The following SNX24 variants were observed in gnomAD, a reference collection of about 807,000 sequenced individuals.
The protein encoded by SNX24 is sorting nexin 24.
In SNX24, 22 loss-of-function variants were observed where a neutral mutation model predicts 28.7. The observed-to-expected ratio is 0.77, with a 90% confidence interval of 0.55 to 1.10. The LOEUF is 1.10. Ranked by LOEUF, SNX24 falls within the 50% of genes least tolerant of loss-of-function variation. SNX24 has a pLI of 0.00. For synonymous variants in SNX24, 69 were observed against 71.5 expected (o/e 0.96, Z 0.18); for missense variants, 221 against 201.1 (o/e 1.10, Z -0.60).
chr5:123,021,356 G>A (rs1762760405), intron 5 of SNX24, among the ~76,000 whole-genome samples: 1 of 152,154 alleles, frequency 6.6e-6, no homozygotes, highest in Non-Finnish European at 1.5e-5. Flanking sequence ...TGCCAGGCCA[G>A]GTGTGTACCC....
intron 1 of SNX24, among the ~76,000 whole-genome samples, chr5:122,916,516 T>G (rs978854847): frequency 1.3e-5 from 2 of 152,222 alleles, no homozygotes; most frequent in Non-Finnish European, 2.9e-5. Context: ...TTTTTTATCT[T>G]AGATGCTTTT....
chr5:122,908,372 A>G (rs796495193), intron 1 of SNX24, among the ~76,000 whole-genome samples: 17 of 152,216 alleles, frequency 1.1e-4, no homozygotes, highest in African/African-American at 2.4e-4. Context: ...AATCACTACA[A>G]TAGACATGGT....
rs145396020 is a variant in SNX24 at position 122,874,431 on chromosome 5, G to T, written c.60+28738G>T. ...AAGCTGTGTGAAAGATAGGAAAGCA[G>T]CTGGGTGAGATATCCTGGCAGAGGG... is the stretch of plus-strand genomic sequence containing the variant. On this transcript the variant is annotated intron_variant, in intron 1 of 6. Coordinates refer to ENST00000261369, the MANE Select transcript of SNX24 (RefSeq NM_014035.4). Among the ~76,000 whole-genome samples the T allele has an allele frequency of 5.3e-5, 8 of 152,356 alleles. No individual in the cohort carries two copies. The East Asian group carries it at 1.5e-3, about 29-fold the overall frequency.
intron 1 of SNX24, among the ~76,000 whole-genome samples, chr5:122,894,772 A>G (rs145383163): frequency 7.0e-4 from 106 of 152,322 alleles, no homozygotes; most frequent in Middle Eastern, 6.8e-3. Context: ...CGCAGTACCT[A>G]GTAGGTAAGT....
chr5:122,998,934 C>T (rs898555901), intron 3 of SNX24, among the ~76,000 whole-genome samples: 4 of 151,946 alleles, frequency 2.6e-5, no homozygotes, highest in Non-Finnish European at 5.9e-5. Context: ...ACAACATGTA[C>T]TTACTGGACA....
chr5:123,012,625 T>C (rs574702967), downstream of SNX24, among the ~76,000 whole-genome samples: 2 of 152,202 alleles, frequency 1.3e-5, no homozygotes, highest in Admixed American at 6.5e-5. Flanking sequence ...CATAGTATTG[T>C]ACACTAAAAA....
rs962240455 is a variant in SNX24 at position 122,910,807 on chromosome 5, T to C, written c.61-25927T>C. ...TACAAAGGACATGAACTCATCATTT[T>C]TTATGGCTGCTTAGTATTCCATGGT... On this transcript the variant is annotated intron_variant, in intron 1 of 6. Transcript: ENST00000261369. Among the ~76,000 whole-genome samples the C allele has an allele frequency of 1.1e-4, 16 of 152,242 alleles. 2 individuals carry two copies. Among genetic ancestry groups the C allele is most frequent in the East Asian group, 3.9e-4 (2 of 5,170 alleles).
intron 3 of SNX24, among the ~76,000 whole-genome samples, chr5:122,970,155 G>A (rs1468932579): frequency 2.0e-5 from 3 of 148,208 alleles, no homozygotes; most frequent in South Asian, 2.3e-4. Flanking sequence ...GGGTCCTCTG[G>A]CTTACTCTCA....
chr5:123,004,346 G>A (rs959488922), intron 6 of SNX24, among the ~76,000 whole-genome samples: 1 of 152,126 alleles, frequency 6.6e-6, no homozygotes, highest in African/African-American at 2.4e-5. Flanking sequence ...TTTCAGTGTG[G>A]CTGAAGCCCA....
chr5:122,902,793 C>G (rs554187481), intron 1 of SNX24, among the ~76,000 whole-genome samples: 6 of 152,276 alleles, frequency 3.9e-5, no homozygotes, highest in African/African-American at 9.6e-5. Flanking sequence ...GCCCCTTCCC[C>G]GTCTTGTCCC....
chr5:122,861,351 A>C (rs1755453624), intron 1 of SNX24, among the ~76,000 whole-genome samples: 1 of 152,104 alleles, frequency 6.6e-6, no homozygotes. Context: ...CACCCCTCCC[A>C]AAAAAAGAAA....
At chr5:122,902,597 G>A (rs1353350041) in intron 1 of SNX24, among the ~76,000 whole-genome samples, 2 of 152,134 alleles carry the variant, frequency 1.3e-5, no homozygotes, top group Admixed American at 1.3e-4. Context: ...TGTTCTATGG[G>A]AGGGGATGGG....
At chr5:123,020,955 G>C (rs1762752742) in intron 5 of SNX24, among the ~76,000 whole-genome samples, 1 of 152,208 alleles carries the variant, frequency 6.6e-6, no homozygotes, top group African/African-American at 2.4e-5. Flanking sequence ...GCCAGGGCAA[G>C]GGAATGTTCT....
intron 1 of SNX24, among the ~76,000 whole-genome samples, chr5:122,862,905 A>G (rs966850622): frequency 6.6e-6 from 1 of 152,212 alleles, no homozygotes; most frequent in Non-Finnish European, 1.5e-5. Flanking sequence ...CCATAAATTC[A>G]TAAAGATATA....
intron 1 of SNX24, among the ~76,000 whole-genome samples, chr5:122,917,798 C>T (rs778867373): frequency 3.9e-5 from 6 of 151,990 alleles, no homozygotes; most frequent in East Asian, 3.9e-4. Flanking sequence ...AAAATAATGC[C>T]GGCCGGGTGC....
In SNX24 at chr5:122,925,088, TCTC is replaced by T. The variant is rs200688198; in HGVS notation, c.61-11640_61-11638del. Among the ~76,000 whole-genome samples the T allele has an allele frequency of 7.3e-3, 854 of 117,578 alleles. 15 individuals are homozygous for T. The highest frequency in any genetic ancestry group is 0.027 in the African/African-American group (814 of 30,106). The allele number at this position is 117,578 out of a possible 152,430, so 77.1% of individuals were successfully genotyped here. A position where few individuals can be genotyped will look rare whatever the true frequency, so the allele number is the denominator to read the frequency against. On this transcript the variant is annotated intron_variant, in intron 1 of 6. Transcript: ENST00000261369. ...CCTCTCCCTTTTCCCTCCTCTTCCC[TCTC>T]CTCCTTCCCTCTCTCTTCCCTTCCC...
At chr5:122,993,889 C>T (rs866081176) in intron 3 of SNX24, among the ~76,000 whole-genome samples, 1 of 152,086 alleles carries the variant, frequency 6.6e-6, no homozygotes, top group Non-Finnish European at 1.5e-5. Flanking sequence ...CTTTGTCACC[C>T]CAGCAGCCGG....
chr5:123,003,635 A>G (rs1342425428), intron 6 of SNX24, among the ~76,000 whole-genome samples: 1 of 152,192 alleles, frequency 6.6e-6, no homozygotes, highest in Admixed American at 6.5e-5. Flanking sequence ...AAGATATTTT[A>G]TGACCTTTAA....
downstream of SNX24, among the ~76,000 whole-genome samples, chr5:123,012,439 G>A (rs938947453): frequency 6.6e-6 from 1 of 152,304 alleles, no homozygotes; most frequent in Non-Finnish European, 1.5e-5. Context: ...CCATTTCTAT[G>A]AAGTATCTAG....
Sources: gnomAD v4.1 joint callset for allele counts (sites outside exome capture counted in the v4.1 genomes callset) on GRCh38, gnomAD v4.1.1 for gene constraint, MANE v1.5 for transcripts, NCBI Gene and HGNC (gene_info 2026-07-23, HGNC 2026-07-21) for gene names.